Variants in CADPS2 observed in about 807,000 individuals in gnomAD.
CADPS2 encodes calcium-dependent secretion activator 2.
CADPS2 carries 93 observed loss-of-function variants against 172.5 expected under a neutral mutation model. The observed-to-expected ratio is 0.54, with a 90% CI of 0.46 to 0.64. The LOEUF is 0.64. Ranked by LOEUF, CADPS2 falls within the 30% of genes least tolerant of loss-of-function variation. The pLI, the probability that CADPS2 is intolerant of heterozygous loss-of-function variation, is 0.00. For missense variants in CADPS2, 1,420 were observed against 1,565.9 expected (o/e 0.91, Z 1.57); for synonymous variants, 546 against 555.2 (o/e 0.98, Z 0.23).
intron 8 of CADPS2, among the ~76,000 whole-genome samples, chr7:122,537,620 T>G (rs1189184798): frequency 6.6e-6 from 1 of 151,778 alleles, no homozygotes; most frequent in Non-Finnish European, 1.5e-5. Flanking sequence ...TAAGAAATAC[T>G]GGGAAAAATA....
intron 11 of CADPS2, among the ~76,000 whole-genome samples, chr7:122,481,947 G>A (rs1187290470): frequency 6.6e-6 from 1 of 152,142 alleles, no homozygotes. Context: ...CACGAGAATG[G>A]CTTGAACCTG....
chr7:122,509,612 C>G (rs1219272501), intron 9 of CADPS2, among the ~76,000 whole-genome samples: 1 of 152,138 alleles, frequency 6.6e-6, no homozygotes, highest in African/African-American at 2.4e-5. Flanking sequence ...TGATTAATCA[C>G]ATATCTGTTT....
intron 1 of CADPS2, among the ~76,000 whole-genome samples, chr7:122,810,860 C>A (rs1475151802): frequency 6.6e-6 from 1 of 152,096 alleles, no homozygotes; most frequent in Admixed American, 6.6e-5. Flanking sequence ...TCTCAAAGTT[C>A]TGGGATTATG....
At chr7:122,702,837 G>T in intron 2 of CADPS2, 3 of 999,182 alleles carry the variant, frequency 3.0e-6, no homozygotes, top group Non-Finnish European at 2.9e-6. Context: ...CTTGTTGGCG[G>T]CAGATTACTA....
At chr7:122,696,072 T>C (rs2085042954) in intron 2 of CADPS2, among the ~76,000 whole-genome samples, 1 of 152,134 alleles carries the variant, frequency 6.6e-6, no homozygotes, top group Non-Finnish European at 1.5e-5. Context: ...GGACAAATGG[T>C]AGAAATCACT....
At chr7:122,696,948 T>A (rs1470959497) in intron 2 of CADPS2, among the ~76,000 whole-genome samples, 1 of 152,170 alleles carries the variant, frequency 6.6e-6, no homozygotes, top group African/African-American at 2.4e-5. Flanking sequence ...CATATCATAA[T>A]AATAATAATT....
chr7:122,671,258 G>A (rs988277028), intron 2 of CADPS2, among the ~76,000 whole-genome samples: 1 of 152,164 alleles, frequency 6.6e-6, no homozygotes, highest in African/African-American at 2.4e-5. Flanking sequence ...CCTAGCACTA[G>A]GCTACGTACA....
At chr7:122,645,684 T>TATATATATATATATATATA (rs1554688703) in intron 3 of CADPS2, among the ~76,000 whole-genome samples, 2 of 136,732 alleles carry the variant, frequency 1.5e-5, no homozygotes, top group East Asian at 2.1e-4. Context: ...TATATATATC[T>TATATATATATATATATATA]TGGGATTTTG....
At chr7:122,473,154 C>T (rs1317321550) in intron 13 of CADPS2, among the ~76,000 whole-genome samples, 1 of 152,158 alleles carries the variant, frequency 6.6e-6, no homozygotes, top group Non-Finnish European at 1.5e-5. Context: ...TGTAAATACA[C>T]AGTAGTCTAC....
At chr7:122,871,644 A>G (rs1005174880) in intron 1 of CADPS2, among the ~76,000 whole-genome samples, 27 of 152,250 alleles carry the variant, frequency 1.8e-4, no homozygotes, top group African/African-American at 5.1e-4. Context: ...TGTGTGAAAT[A>G]GAACCTAAAA....
intron 8 of CADPS2, among the ~76,000 whole-genome samples, chr7:122,518,500 A>G (rs2060539932): frequency 6.6e-6 from 1 of 152,100 alleles, no homozygotes; most frequent in Admixed American, 6.6e-5. Flanking sequence ...ACTGCTTCAT[A>G]AAGTATGAGT....
chr7:122,363,887 T>G (rs368389417), intron 25 of CADPS2, among the ~76,000 whole-genome samples: 2 of 152,304 alleles, frequency 1.3e-5, no homozygotes, highest in South Asian at 4.1e-4. Context: ...CTTAAGCTAA[T>G]GGGTCTAATT....
intron 1 of CADPS2, among the ~76,000 whole-genome samples, chr7:122,865,466 G>A (rs894970660): frequency 3.3e-5 from 5 of 152,148 alleles, no homozygotes; most frequent in African/African-American, 1.2e-4. Context: ...ACAGATTTTT[G>A]AGGCAACAAT....
In CADPS2 at chr7:122,886,348, G is replaced by A. The variant is rs1257966935; in HGVS notation, c.-11C>T. On this transcript the variant is annotated 5_prime_UTR_variant, in exon 1 of 30. Transcript: ENST00000449022. The stretch of plus-strand genomic sequence containing the variant: ...AGACGGGTCCAGCATGGTGCTCGGG[G>A]ATCCCCGCCGCTCGGCCCGCGGTCC... The A allele has an allele frequency of 2.0e-6, 3 of 1,490,602 alleles. No homozygotes were observed. The African/African-American group carries it at 4.4e-5, about 22-fold the overall frequency. The allele number at this position is 1,490,602 out of a possible 1,614,324, so 92.3% of individuals were successfully genotyped here.
intron 25 of CADPS2, among the ~76,000 whole-genome samples, chr7:122,365,780 T>C (rs924826287): frequency 6.6e-6 from 1 of 152,154 alleles, no homozygotes; most frequent in African/African-American, 2.4e-5. Flanking sequence ...CTCATGAAAC[T>C]CTTGGAAGTG....
At chr7:122,783,998 T>C (rs780200902) in intron 1 of CADPS2, among the ~76,000 whole-genome samples, 3 of 152,186 alleles carry the variant, frequency 2.0e-5, no homozygotes, top group Non-Finnish European at 2.9e-5. Context: ...ACCCGAACAT[T>C]TTCCCTCACT....
intron 20 of CADPS2, among the ~76,000 whole-genome samples, chr7:122,404,916 G>C (rs1394182657): frequency 6.6e-6 from 1 of 151,850 alleles, no homozygotes; most frequent in Non-Finnish European, 1.5e-5. Flanking sequence ...AGGAGGTCAG[G>C]AGATCGAGAC....
intron 25 of CADPS2, among the ~76,000 whole-genome samples, chr7:122,374,294 T>A (rs2042092432): frequency 6.6e-6 from 1 of 152,118 alleles, no homozygotes; most frequent in African/African-American, 2.4e-5. Context: ...GTTGACATCA[T>A]ATTCAGTGGT....
chr7:122,885,999 C>A lies in CADPS2; in HGVS notation c.339G>T (p.Lys113Asn). ...QPTDMARRQQ[K>N]LNKQQLQLLK... ...GGAGGCGCCCGGTCCCGCAACTCAC[C>A]TTCTGCTGCCTCCGGGCCATGTCGG... The change falls in exon 1 of 30, where the codon AAG (lysine) becomes AAT (asparagine). Residue 113 changes from lysine (K) to asparagine (N), a missense_variant and splice_region_variant. Transcript: ENST00000449022. 1 of 1,603,774 alleles carries A rather than the reference C, an allele frequency of 6.2e-7. No individual in the cohort carries two copies. Among genetic ancestry groups the A allele is most frequent in the Non-Finnish European group, 8.5e-7 (1 of 1,175,634 alleles).
Sources: gnomAD v4.1 joint callset for allele counts (sites outside exome capture counted in the v4.1 genomes callset) on GRCh38, gnomAD v4.1.1 for gene constraint, MANE v1.5 for transcripts, NCBI Gene and HGNC (gene_info 2026-07-23, HGNC 2026-07-21) for gene names.